The following GHR variants were observed in gnomAD, a reference collection of about 807,000 sequenced individuals.
The protein encoded by GHR is GH receptor.
Under a neutral mutation model 67.1 loss-of-function variants are expected in GHR, and 35 were observed. That is an observed-to-expected ratio of 0.52 (90% confidence interval 0.40 to 0.69). GHR has a LOEUF of 0.69. Among genes scored for constraint, GHR ranks in the 30% least tolerant of loss-of-function variants. GHR has a pLI of 0.00. For synonymous variants in GHR, 272 were observed against 269.1 expected, an observed-to-expected ratio of 1.01 and a Z score of -0.10; for missense variants, 792 against 764.6, an observed-to-expected ratio of 1.04 and a Z score of -0.42.
At chr5:42,624,918 A>C (rs1233491286) in intron 2 of GHR, among the ~76,000 whole-genome samples, 1 of 152,224 alleles carries the variant, frequency 6.6e-6, no homozygotes, top group East Asian at 1.9e-4. Flanking sequence ...GAATTGTTAC[A>C]ATGCAATTTT....
chr5:42,617,216 C>T (rs1753199090), intron 2 of GHR, among the ~76,000 whole-genome samples: 1 of 151,154 alleles, frequency 6.6e-6, no homozygotes, highest in African/African-American at 2.4e-5. Context: ...TCTATAGATC[C>T]CCTTTTTGTA....
At chr5:42,620,910 C>T (rs185423319) in intron 2 of GHR, among the ~76,000 whole-genome samples, 21 of 152,264 alleles carry the variant, frequency 1.4e-4, no homozygotes, top group African/African-American at 4.8e-4. Context: ...TCCCTTACAT[C>T]TCCATCTCAC....
chr5:42,719,494 C>G lies in GHR; in HGVS notation c.*70C>G. On this transcript the variant is annotated 3_prime_UTR_variant, in exon 10 of 10. Transcript: ENST00000230882. ...TTGACTGGGGCAATAACGTTTAAGC[C>G]AAAACAATGTTTAAACCTTTTTTGG... 6.8e-7 allele frequency: 1 copy of G among 1,465,558 alleles called. No homozygotes were observed. The highest frequency in any genetic ancestry group is 1.1e-5 in the South Asian group (1 of 87,674). 90.8% of individuals were successfully genotyped at this position (1,465,558 alleles called of 1,614,324 possible). A position where few individuals can be genotyped will look rare whatever the true frequency, so the allele number is the denominator to read the frequency against.
chr5:42,709,914 G>T (rs999092885), intron 6 of GHR, among the ~76,000 whole-genome samples: 6 of 151,934 alleles, frequency 3.9e-5, no homozygotes, highest in Admixed American at 2.6e-4. Context: ...GAGGGTTGAG[G>T]GAATATGAAG....
At chr5:42,626,636 T>C (rs1231780822) in intron 2 of GHR, among the ~76,000 whole-genome samples, 2 of 152,154 alleles carry the variant, frequency 1.3e-5, no homozygotes, top group Non-Finnish European at 2.9e-5. Flanking sequence ...GTCTTTCCTG[T>C]GACCATGCCC....
chr5:42,499,822 T>G (rs1382269972), intron 1 of GHR, among the ~76,000 whole-genome samples: 1 of 152,146 alleles, frequency 6.6e-6, no homozygotes, highest in Non-Finnish European at 1.5e-5. Context: ...TGAAATGCCA[T>G]AAGTGTAACA....
intron 6 of GHR, among the ~76,000 whole-genome samples, chr5:42,704,542 G>C (rs908319363): frequency 1.3e-5 from 2 of 151,792 alleles, no homozygotes; most frequent in South Asian, 4.2e-4. Context: ...TTCATGGTTT[G>C]GGTATAAGGG....
intron 2 of GHR, among the ~76,000 whole-genome samples, chr5:42,568,658 T>C (rs1392849900): frequency 6.6e-6 from 1 of 152,170 alleles, no homozygotes. Flanking sequence ...CTCAGTAACC[T>C]AAGGTGGAAG....
At chr5:42,650,821 A>G (rs1466934512) in intron 3 of GHR, among the ~76,000 whole-genome samples, 1 of 152,096 alleles carries the variant, frequency 6.6e-6, no homozygotes, top group Non-Finnish European at 1.5e-5. Flanking sequence ...AGTAGGTAAC[A>G]CAGAATTTGT....
intron 1 of GHR, among the ~76,000 whole-genome samples, chr5:42,553,213 A>G (rs1314058650): frequency 1.3e-5 from 2 of 152,230 alleles, no homozygotes; most frequent in African/African-American, 2.4e-5. Context: ...CCATGGCCCA[A>G]CTGGGCTCTT....
intron 1 of GHR, among the ~76,000 whole-genome samples, chr5:42,513,367 A>T (rs1046327303): frequency 6.6e-6 from 1 of 152,192 alleles, no homozygotes; most frequent in African/African-American, 2.4e-5. Context: ...TCTCTCTCCC[A>T]TATAGAGGCC....
intron 2 of GHR, among the ~76,000 whole-genome samples, chr5:42,572,887 G>A (rs1269868065): frequency 6.6e-6 from 1 of 152,152 alleles, no homozygotes. Context: ...TAGGAGGCAG[G>A]TGAAGGGTGG....
At chr5:42,464,561 G>A (rs956053532) in intron 1 of GHR, among the ~76,000 whole-genome samples, 1 of 152,144 alleles carries the variant, frequency 6.6e-6, no homozygotes, top group Non-Finnish European at 1.5e-5. Context: ...GTGGAGCAGA[G>A]GAAAAGTAGG....
At chr5:42,683,583 G>A (rs1257394312) in intron 3 of GHR, among the ~76,000 whole-genome samples, 1 of 152,116 alleles carries the variant, frequency 6.6e-6, no homozygotes, top group Non-Finnish European at 1.5e-5. Context: ...AATCATTGGA[G>A]GCTACTTTAG....
chr5:42,648,845 C>G (rs1488076485), intron 3 of GHR, among the ~76,000 whole-genome samples: 3 of 152,072 alleles, frequency 2.0e-5, no homozygotes, highest in Non-Finnish European at 4.4e-5. Flanking sequence ...TTTTTTCTGA[C>G]TGCGCTTATT....
intron 1 of GHR, among the ~76,000 whole-genome samples, chr5:42,455,478 A>T (rs1422943975): frequency 2.0e-5 from 3 of 152,078 alleles, no homozygotes; most frequent in African/African-American, 7.2e-5. Context: ...GTTTCTTCTG[A>T]CTTGGTTCTA....
At chr5:42,664,608 G>A (rs950842699) in intron 3 of GHR, among the ~76,000 whole-genome samples, 2 of 152,170 alleles carry the variant, frequency 1.3e-5, no homozygotes, top group Middle Eastern at 3.2e-3. Context: ...ATGGAGTAAA[G>A]ACTTAAATGT....
intron 3 of GHR, among the ~76,000 whole-genome samples, chr5:42,636,275 T>TC (rs1754186591): frequency 6.6e-6 from 1 of 152,082 alleles, no homozygotes; most frequent in African/African-American, 2.4e-5. Context: ...ACTTAAATTT[T>TC]CAGTATGCCT....
At chr5:42,489,304 C>T (rs1348764484) in intron 1 of GHR, among the ~76,000 whole-genome samples, 2 of 152,038 alleles carry the variant, frequency 1.3e-5, no homozygotes, top group Non-Finnish European at 2.9e-5. Context: ...ATAGATTCTT[C>T]AACGCTCTTA....
Sources: gnomAD v4.1 joint callset for allele counts (sites outside exome capture counted in the v4.1 genomes callset) on GRCh38, gnomAD v4.1.1 for gene constraint, MANE v1.5 for transcripts, NCBI Gene and HGNC (gene_info 2026-07-23, HGNC 2026-07-21) for gene names.